Variants in FGGY observed in about 807,000 individuals in gnomAD.
FGGY encodes the protein FGGY carbohydrate kinase domain containing, also known as FGGY carbohydrate kinase domain-containing protein.
A neutral mutation model predicts 71.3 loss-of-function variants in FGGY; 72 were observed. That is an observed-to-expected ratio of 1.01 (90% CI 0.84 to 1.23). FGGY has a LOEUF of 1.23. Among genes scored for constraint, FGGY ranks in the 50% most tolerant of loss-of-function variants. The pLI, the probability that FGGY is intolerant of heterozygous loss-of-function variation, is 0.00. For missense variants in FGGY, 668 were observed against 682.3 expected (o/e 0.98, Z 0.23); for synonymous variants, 251 against 250.3 (o/e 1.00, Z -0.02).
chr1:59,633,688 A>G (rs2096929942), intron 10 of FGGY, among the ~76,000 whole-genome samples: 1 of 152,196 alleles, frequency 6.6e-6, no homozygotes, highest in African/African-American at 2.4e-5. Flanking sequence ...TTGGACATCT[A>G]AGAGGAGGCA....
chr1:59,461,801 TA>T lies in FGGY; in HGVS notation c.670+4726del, dbSNP rs1235175110. ...TTTTGTTTTGTTTTGTTTTGTTTTT[TA>T]TTTTATTGTATTTTATTTTTTTCTT... On this transcript the variant is annotated intron_variant, in intron 6 of 15. Transcript: ENST00000303721. Among the ~76,000 whole-genome samples the T allele has an allele frequency of 5.9e-3, 845 of 144,020 alleles. 4 individuals are homozygous for T. Among genetic ancestry groups the T allele is most frequent in the African/African-American group, 0.024 (816 of 33,762 alleles). The allele number at this position is 144,020 out of a possible 152,430, so 94.5% of individuals were successfully genotyped here.
intron 8 of FGGY, among the ~76,000 whole-genome samples, chr1:59,557,509 C>T (rs890283023): frequency 6.6e-6 from 1 of 152,100 alleles, no homozygotes. Flanking sequence ...GAGAAAAAGC[C>T]TGAGGTTGAA....
intron 7 of FGGY, among the ~76,000 whole-genome samples, chr1:59,552,705 G>A (rs1227956398): frequency 6.6e-6 from 1 of 152,080 alleles, no homozygotes; most frequent in African/African-American, 2.4e-5. Context: ...TGCCTTTGTG[G>A]CCCCTCCTGT....
At chr1:59,527,591 A>G (rs2095026767) in intron 7 of FGGY, among the ~76,000 whole-genome samples, 1 of 152,234 alleles carries the variant, frequency 6.6e-6, no homozygotes, top group Non-Finnish European at 1.5e-5. Flanking sequence ...TATTCACTGC[A>G]GTCTGAGCTG....
intron 5 of FGGY, among the ~76,000 whole-genome samples, chr1:59,425,470 G>A (rs2066185773): frequency 6.6e-6 from 1 of 152,080 alleles, no homozygotes; most frequent in South Asian, 2.1e-4. Context: ...AGGCTTTTCT[G>A]GCAGGAGGAG....
intron 7 of FGGY, among the ~76,000 whole-genome samples, chr1:59,536,991 G>C (rs542006181): frequency 6.6e-5 from 10 of 152,068 alleles, no homozygotes; most frequent in African/African-American, 2.4e-4. Flanking sequence ...TGGAAGTTCT[G>C]GCCAGGGCAA....
intron 9 of FGGY, among the ~76,000 whole-genome samples, chr1:59,616,040 A>T (rs940260622): frequency 6.6e-6 from 1 of 152,222 alleles, no homozygotes; most frequent in South Asian, 2.1e-4. Context: ...TGTTGGTGGG[A>T]CTGTAAACTA....
intron 9 of FGGY, among the ~76,000 whole-genome samples, chr1:59,611,734 G>A (rs906231844): frequency 6.6e-6 from 1 of 152,136 alleles, no homozygotes; most frequent in African/African-American, 2.4e-5. Context: ...CCATGGCAAA[G>A]AAGTTAAAAA....
intron 5 of FGGY, among the ~76,000 whole-genome samples, chr1:59,397,792 C>T (rs1425820886): frequency 2.6e-5 from 4 of 152,182 alleles, no homozygotes; most frequent in African/African-American, 9.7e-5. Context: ...ACTTTTTACC[C>T]TTGCCTTTGC....
chr1:59,557,432 A>C (rs1033002865), intron 8 of FGGY, among the ~76,000 whole-genome samples: 1 of 152,216 alleles, frequency 6.6e-6, no homozygotes, highest in Non-Finnish European at 1.5e-5. Context: ...GAATGACCAC[A>C]TAAGTGAGTA....
intron 5 of FGGY, among the ~76,000 whole-genome samples, chr1:59,385,128 G>C (rs2059926704): frequency 6.6e-6 from 1 of 152,056 alleles, no homozygotes; most frequent in Admixed American, 6.6e-5. Context: ...CAGTGTGTAA[G>C]AACACCTCCT....
intron 3 of FGGY, among the ~76,000 whole-genome samples, chr1:59,341,090 T>G (rs181055227): frequency 6.6e-6 from 1 of 152,330 alleles, no homozygotes; most frequent in East Asian, 1.9e-4. Context: ...GGTACATTGA[T>G]ACACAGTGGA....
intron 5 of FGGY, among the ~76,000 whole-genome samples, chr1:59,421,172 C>T (rs2153443550): frequency 6.6e-6 from 1 of 152,190 alleles, no homozygotes; most frequent in South Asian, 2.1e-4. Context: ...ATACCTGTAA[C>T]AAAAAGAGAC....
At chr1:59,722,073 C>G (rs560434259) in intron 14 of FGGY, among the ~76,000 whole-genome samples, 84 of 152,308 alleles carry the variant, frequency 5.5e-4, no homozygotes, top group Non-Finnish European at 1.1e-3. Context: ...GTCATCATGT[C>G]TCCTTAAGCT....
chr1:59,735,551 G>A (rs1174957070), intron 14 of FGGY, among the ~76,000 whole-genome samples: 11 of 152,166 alleles, frequency 7.2e-5, no homozygotes, highest in Admixed American at 3.3e-4. Context: ...CCTGCTGTTT[G>A]CAAAACACTG....
At chr1:59,421,803 A>T (rs1350036276) in intron 5 of FGGY, among the ~76,000 whole-genome samples, 1 of 146,460 alleles carries the variant, frequency 6.8e-6, no homozygotes, top group African/African-American at 2.4e-5. Context: ...TTGAGGTCTC[A>T]TTTGACTAGA....
intron 1 of FGGY, among the ~76,000 whole-genome samples, chr1:59,319,157 T>C (rs920958093): frequency 2.6e-5 from 4 of 152,214 alleles, no homozygotes; most frequent in African/African-American, 4.8e-5. Context: ...ATGATACCAA[T>C]TAATTGTAAC....
At chr1:59,669,248 CTG>C (rs1290741016) in intron 13 of FGGY, among the ~76,000 whole-genome samples, 2 of 152,052 alleles carry the variant, frequency 1.3e-5, no homozygotes, top group African/African-American at 2.4e-5. Flanking sequence ...AATATTGTAA[CTG>C]TGGTGTGTCG....
chr1:59,636,388 G>T (rs773534067), intron 10 of FGGY, among the ~76,000 whole-genome samples: 1 of 152,168 alleles, frequency 6.6e-6, no homozygotes, highest in Non-Finnish European at 1.5e-5. Context: ...TTGGGAGGCC[G>T]AGGTGGGCAG....
Sources: gnomAD v4.1 joint callset for allele counts (sites outside exome capture counted in the v4.1 genomes callset) on GRCh38, gnomAD v4.1.1 for gene constraint, MANE v1.5 for transcripts, NCBI Gene and HGNC (gene_info 2026-07-23, HGNC 2026-07-21) for gene names.